Variants in BACH2 observed in about 807,000 individuals in gnomAD.
BACH2 encodes transcription regulator protein BACH2.
BACH2 carries 5 observed loss-of-function variants against 61.8 expected under a neutral mutation model. That is an observed-to-expected ratio of 0.08 (90% CI 0.04 to 0.17). BACH2 has a LOEUF of 0.17. BACH2 is among the 10% of genes least tolerant of loss of function. BACH2 has a pLI of 1.00. For synonymous variants in BACH2, 446 were observed against 440.1 expected (o/e 1.01, Z -0.17); for missense variants, 824 against 1,091.1 (o/e 0.76, Z 3.45).
intron 6 of BACH2, among the ~76,000 whole-genome samples, chr6:89,971,060 G>A (rs141075243): frequency 1.9e-3 from 290 of 152,248 alleles, no homozygotes; most frequent in African/African-American, 6.4e-3. Context: ...TTATTAGTTT[G>A]TCCTGAATGA....
chr6:90,054,803 T>C (rs924382069), intron 5 of BACH2, among the ~76,000 whole-genome samples: 6 of 152,186 alleles, frequency 3.9e-5, no homozygotes, highest in African/African-American at 1.4e-4. Context: ...GGCAGCAGCA[T>C]CTGTGGTTCA....
rs906095853 is a variant in BACH2 at position 90,235,658 on chromosome 6, A to T, written c.-275+16855T>A. 2.6e-5 allele frequency among the ~76,000 whole-genome samples: 4 copies of T among 152,214 alleles called. No individual in the cohort carries two copies. In the East Asian group the frequency reaches 7.7e-4, roughly 29 times the overall value. ...TATAGTGAGACCCTGTCTCTAAAAA[A>T]TTTTTTTAAATTTAAAAACATTTTT... is the stretch of plus-strand genomic sequence containing the variant. On this transcript the variant is annotated intron_variant, in intron 3 of 8. Coordinates refer to ENST00000257749, the MANE Select transcript of BACH2 (RefSeq NM_021813.4).
At chr6:90,044,615 A>G (rs1483766472) in intron 5 of BACH2, among the ~76,000 whole-genome samples, 1 of 152,194 alleles carries the variant, frequency 6.6e-6, no homozygotes, top group Non-Finnish European at 1.5e-5. Context: ...GCATGTTAGG[A>G]GGCTCCTGCA....
At chr6:90,170,523 G>T (rs1207745612) in intron 4 of BACH2, among the ~76,000 whole-genome samples, 2 of 152,240 alleles carry the variant, frequency 1.3e-5, no homozygotes, top group Non-Finnish European at 2.9e-5. Flanking sequence ...ATGAGTGACT[G>T]ATTCTTAAAG....
At chr6:90,023,341 A>C (rs1418629709) in intron 5 of BACH2, among the ~76,000 whole-genome samples, 1 of 151,890 alleles carries the variant, frequency 6.6e-6, no homozygotes, top group African/African-American at 2.4e-5. Flanking sequence ...CTGTTGCCTC[A>C]ATAGTGAGTT....
At chr6:90,201,533 T>C (rs1384162443) in intron 4 of BACH2, among the ~76,000 whole-genome samples, 1 of 152,216 alleles carries the variant, frequency 6.6e-6, no homozygotes, top group Non-Finnish European at 1.5e-5. Context: ...TATCTTTATG[T>C]TATAAATCTA....
chr6:89,985,994 G>A (rs1267644007), intron 6 of BACH2, among the ~76,000 whole-genome samples: 1 of 152,210 alleles, frequency 6.6e-6, no homozygotes, highest in Non-Finnish European at 1.5e-5. Flanking sequence ...CTGCCCACGT[G>A]CTCCCTGGCC....
At chr6:90,294,401 G>C (rs1772272663) in intron 1 of BACH2, among the ~76,000 whole-genome samples, 1 of 152,016 alleles carries the variant, frequency 6.6e-6, no homozygotes, top group South Asian at 2.1e-4. Flanking sequence ...TTCAGGTTTC[G>C]AGAGTAAAAA....
chr6:89,938,392 T>C, intron 7 of BACH2, 42 bp from the exon 8 acceptor site: 1 of 1,547,698 alleles, frequency 6.5e-7, no homozygotes, highest in South Asian at 1.1e-5. Flanking sequence ...GCAGCTGGAT[T>C]TTAATTCTGG....
chr6:90,083,498 T>C (rs1049366303), intron 5 of BACH2, among the ~76,000 whole-genome samples: 1 of 152,206 alleles, frequency 6.6e-6, no homozygotes, highest in African/African-American at 2.4e-5. Flanking sequence ...TTACAAATAA[T>C]CATATCATAG....
At chr6:90,252,044 C>T (rs1770829000) in intron 3 of BACH2, among the ~76,000 whole-genome samples, 2 of 152,108 alleles carry the variant, frequency 1.3e-5, no homozygotes, top group African/African-American at 2.4e-5. Context: ...TGCTTTTTAG[C>T]ATCAAACTTT....
intron 5 of BACH2, among the ~76,000 whole-genome samples, chr6:90,054,208 C>G (rs1780200921): frequency 6.6e-6 from 1 of 152,216 alleles, no homozygotes; most frequent in South Asian, 2.1e-4. Flanking sequence ...AGGGAATTCC[C>G]TTTTGTAGTC....
At chr6:90,128,499 T>C (rs1157119371) in intron 4 of BACH2, among the ~76,000 whole-genome samples, 1 of 152,164 alleles carries the variant, frequency 6.6e-6, no homozygotes, top group Non-Finnish European at 1.5e-5. Flanking sequence ...GAGAATTGCT[T>C]GAACCTGGGG....
chr6:90,203,599 TG>T (rs2127848511), intron 4 of BACH2, among the ~76,000 whole-genome samples: 1 of 152,242 alleles, frequency 6.6e-6, no homozygotes, highest in Non-Finnish European at 1.5e-5. Flanking sequence ...GAATTTACAA[TG>T]GTTGTCAGAA....
In BACH2 at chr6:90,014,420, T is replaced by TTG. The variant is rs764203742; in HGVS notation, c.-12-5566_-12-5565dup. On this transcript the variant is annotated intron_variant, in intron 5 of 8. Coordinates refer to ENST00000257749, the MANE Select transcript of BACH2 (RefSeq NM_021813.4). ...AATTGTCAAATTTATTGGCATAAAATTGTGTGTGTGTGTGTGTGTGTATAT... is the reference window on the plus strand; with the variant it reads ...AATTGTCAAATTTATTGGCATAAAATTGTGTGTGTGTGTGTGTGTGTGTATAT... 9.4e-3 allele frequency among the ~76,000 whole-genome samples: 718 copies of TTG among 76,780 alleles called. 19 individuals are homozygous for TTG. The highest frequency in any genetic ancestry group is 0.016 in the African/African-American group (205 of 13,094). 50.4% of individuals were successfully genotyped at this position (76,780 alleles called of 152,430 possible). A position where few individuals can be genotyped will look rare whatever the true frequency, so the allele number is the denominator to read the frequency against.
chr6:90,275,161 A>T (rs995509665), intron 1 of BACH2, among the ~76,000 whole-genome samples: 1 of 152,274 alleles, frequency 6.6e-6, no homozygotes, highest in Non-Finnish European at 1.5e-5. Flanking sequence ...TGCAAGTCAC[A>T]TAAGTGGAGA....
At chr6:90,006,872 C>T (rs1474756235) in intron 6 of BACH2, among the ~76,000 whole-genome samples, 2 of 152,086 alleles carry the variant, frequency 1.3e-5, no homozygotes, top group Admixed American at 6.5e-5. Context: ...CCCGCTTTGG[C>T]CTCCTGAAGT....
chr6:89,933,766 G>A (rs1330653233), intron 8 of BACH2, among the ~76,000 whole-genome samples: 1 of 152,088 alleles, frequency 6.6e-6, no homozygotes. Context: ...TGTGCGGATC[G>A]CTTGAGCTCA....
At position 89,976,707 on chromosome 6, in the gene BACH2, G is replaced by A. The variant is rs148083912; in HGVS notation, c.244-24845C>T. On this transcript the variant is annotated intron_variant, in intron 6 of 8. Transcript: ENST00000257749. ...TTTAATTTTTAACCTAACCTAGCAG[G>A]AAATCATGGGTTTAGCCCTGTTTGA... 1.7e-3 allele frequency among the ~76,000 whole-genome samples: 264 copies of A among 152,240 alleles called. 1 individual carries two copies. Among genetic ancestry groups the A allele is most frequent in the African/African-American group, 6.1e-3 (254 of 41,542 alleles).
Sources: allele counts gnomAD v4.1 joint callset (sites outside exome capture counted in the v4.1 genomes callset), GRCh38; gene constraint gnomAD v4.1.1; transcripts MANE v1.5; gene names NCBI Gene and HGNC (gene_info 2026-07-23, HGNC 2026-07-21).